The following ZBBX variants were observed in gnomAD, a reference collection of about 807,000 sequenced individuals.
The protein encoded by ZBBX is zinc finger B-box domain-containing protein 1.
Under a neutral mutation model 108.5 loss-of-function variants are expected in ZBBX, and 101 were observed. The observed-to-expected ratio is 0.93, with a 90% confidence interval of 0.79 to 1.10. The LOEUF is 1.10. Ranked by LOEUF, ZBBX falls within the 50% of genes least tolerant of loss-of-function variation. The pLI is 0.00. For missense variants in ZBBX, 1,009 were observed against 941.4 expected (o/e 1.07, Z -0.94); for synonymous variants, 356 against 323.4 (o/e 1.10, Z -1.08).
intron 20 of ZBBX, among the ~76,000 whole-genome samples, chr3:167,253,558 C>T (rs1722975508): frequency 6.6e-6 from 1 of 152,216 alleles, no homozygotes; most frequent in East Asian, 1.9e-4. Context: ...CTGAGCTCCC[C>T]AGTCCTATCC....
rs145897771 is a variant in ZBBX, at chr3:167,369,328, G to C, written c.69-754C>G. The stretch of plus-strand genomic sequence containing the variant: ...ATTAGTGTTTTACTACAATCAAGCA[G>C]TGTGGGCACCCACGCATGCTATGGC... On this transcript the variant is annotated intron_variant, in intron 4 of 21. Transcript: ENST00000675490. 3.2e-3 allele frequency among the ~76,000 whole-genome samples: 480 copies of C among 152,276 alleles called. 7 individuals carry two copies. The highest frequency in any genetic ancestry group is 0.011 in the African/African-American group (450 of 41,546).
chr3:167,276,945 T>C (rs1727705394), intron 20 of ZBBX, among the ~76,000 whole-genome samples: 1 of 152,122 alleles, frequency 6.6e-6, no homozygotes, highest in Non-Finnish European at 1.5e-5. Context: ...ATATTCAACA[T>C]TCTTAAAGAA....
At chr3:167,260,159 C>T (rs972286947) in intron 20 of ZBBX, among the ~76,000 whole-genome samples, 3 of 152,118 alleles carry the variant, frequency 2.0e-5, no homozygotes, top group African/African-American at 7.2e-5. Context: ...GAAGATAGGG[C>T]CCCAATCCCT....
At chr3:167,340,342 G>A (rs73879674) in intron 9 of ZBBX, among the ~76,000 whole-genome samples, 380 of 152,120 alleles carry the variant, frequency 2.5e-3, no homozygotes, top group African/African-American at 8.7e-3. Flanking sequence ...AAGTATCATA[G>A]ACCTATGGCA....
At chr3:167,331,325 G>T (rs1362826195) in intron 10 of ZBBX, among the ~76,000 whole-genome samples, 2 of 152,108 alleles carry the variant, frequency 1.3e-5, no homozygotes, top group African/African-American at 2.4e-5. Context: ...GATAAATTTA[G>T]TTTAAAGATA....
intron 11 of ZBBX, among the ~76,000 whole-genome samples, chr3:167,327,492 G>A (rs771491372): frequency 5.9e-5 from 9 of 152,164 alleles, no homozygotes; most frequent in Non-Finnish European, 1.2e-4. Flanking sequence ...ATCACACAGT[G>A]CATACTCCTT....
intron 20 of ZBBX, among the ~76,000 whole-genome samples, chr3:167,261,569 T>C (rs142270955): frequency 0.017 from 2,517 of 151,902 alleles, 31 homozygotes; most frequent in Non-Finnish European, 0.023. Flanking sequence ...AGAAGGATTA[T>C]GGCTGCCTCT....
intron 17 of ZBBX, among the ~76,000 whole-genome samples, chr3:167,300,825 C>T (rs938190155): frequency 9.2e-5 from 14 of 151,876 alleles, no homozygotes; most frequent in African/African-American, 3.1e-4. Flanking sequence ...ACCATGTTGG[C>T]CAGGCTGGTC....
intron 1 of ZBBX, among the ~76,000 whole-genome samples, chr3:167,399,295 T>C (rs753762976): frequency 6.6e-6 from 1 of 152,148 alleles, no homozygotes; most frequent in Non-Finnish European, 1.5e-5. Context: ...GAAAATTTAA[T>C]AAACTTGCTA....
intron 1 of ZBBX, among the ~76,000 whole-genome samples, chr3:167,387,668 T>C (rs1022733837): frequency 6.6e-6 from 1 of 151,996 alleles, no homozygotes; most frequent in African/African-American, 2.4e-5. Context: ...AAGGAAGTCA[T>C]ACAATTCCGT....
chr3:167,206,029 T>A, the ZBBX span, among the ~76,000 whole-genome samples: 1 of 152,082 alleles, frequency 6.6e-6, no homozygotes, highest in African/African-American at 2.4e-5. Flanking sequence ...TCTTAGGAAA[T>A]TTCCAGCATA....
chr3:167,342,044 A>C (rs1371224793), intron 9 of ZBBX, among the ~76,000 whole-genome samples: 1 of 151,860 alleles, frequency 6.6e-6, no homozygotes, highest in Non-Finnish European at 1.5e-5. Context: ...AAGAAATTTC[A>C]TATGAAATGA....
intron 18 of ZBBX, among the ~76,000 whole-genome samples, chr3:167,290,804 C>T (rs556099511): frequency 6.6e-6 from 1 of 152,094 alleles, no homozygotes; most frequent in African/African-American, 2.4e-5. Flanking sequence ...AAGCTAAGAA[C>T]CTTGAGAAAA....
At chr3:167,195,738 C>T in the ZBBX span, among the ~76,000 whole-genome samples, 7 of 152,136 alleles carry the variant, frequency 4.6e-5, no homozygotes, top group Admixed American at 4.6e-4. Context: ...TCAAATCTGA[C>T]GTTTATAACG....
At chr3:167,318,198 T>G (rs1238611140) in intron 12 of ZBBX, among the ~76,000 whole-genome samples, 1 of 151,968 alleles carries the variant, frequency 6.6e-6, no homozygotes, top group Non-Finnish European at 1.5e-5. Flanking sequence ...TATAACCAAA[T>G]TATTGGAGAG....
intron 9 of ZBBX, among the ~76,000 whole-genome samples, chr3:167,336,004 C>T (rs949528630): frequency 2.2e-4 from 34 of 152,014 alleles, no homozygotes; most frequent in African/African-American, 7.9e-4. Flanking sequence ...CCAAACTAAG[C>T]CTCATTTAAA....
intron 13 of ZBBX, 51 bp downstream of exon 13, chr3:167,317,437 T>C (rs1468189836): frequency 2.2e-6 from 3 of 1,388,410 alleles, no homozygotes; most frequent in Non-Finnish European, 1.0e-6. Context: ...GCTTAGTGTA[T>C]ATAACTTGAG....
At chr3:167,286,333 CT>C (rs1729691985) in intron 19 of ZBBX, among the ~76,000 whole-genome samples, 1 of 152,054 alleles carries the variant, frequency 6.6e-6, no homozygotes, top group Admixed American at 6.6e-5. Context: ...GTAAGGCATA[CT>C]TTTTTCTACT....
At chr3:167,369,904 T>C (rs1026381027) in intron 4 of ZBBX, among the ~76,000 whole-genome samples, 4 of 151,972 alleles carry the variant, frequency 2.6e-5, no homozygotes, top group Non-Finnish European at 4.4e-5. Context: ...AATGGGTGGG[T>C]CAAGGAACTA....
Sources: allele counts gnomAD v4.1 joint callset (sites outside exome capture counted in the v4.1 genomes callset), GRCh38; gene constraint gnomAD v4.1.1; transcripts MANE v1.5; gene names NCBI Gene and HGNC (gene_info 2026-07-23, HGNC 2026-07-21).